The following SULT2B1 variants were observed in gnomAD, a reference collection of about 807,000 sequenced individuals.
The protein encoded by SULT2B1 is sulfotransferase family 2B member 1.
In SULT2B1, 16 loss-of-function variants were observed where a neutral mutation model predicts 33.2. The ratio of observed to expected loss-of-function variants is 0.48; its 90% CI spans 0.33 to 0.73. SULT2B1 has a LOEUF of 0.73. Among genes scored for constraint, SULT2B1 ranks in the 30% least tolerant of loss-of-function variants. The pLI is 0.02. For synonymous variants in SULT2B1, 186 were observed against 200.5 expected (o/e 0.93, Z 0.61); for missense variants, 500 against 506.0 (o/e 0.99, Z 0.11).
At chr19:48,592,079 G>A (rs1973650920) in intron 4 of SULT2B1, among the ~76,000 whole-genome samples, 2 of 152,044 alleles carry the variant, frequency 1.3e-5, no homozygotes, top group South Asian at 2.1e-4. Context: ...GGATCACAAG[G>A]TCAGGAGATT....
intron 1 of SULT2B1, among the ~76,000 whole-genome samples, chr19:48,573,921 G>A (rs150280324): frequency 0.019 from 2,843 of 152,174 alleles, 97 homozygotes; most frequent in African/African-American, 0.066. Flanking sequence ...GAGTGCAGTG[G>A]CGCAATCTCA....
intron 1 of SULT2B1, among the ~76,000 whole-genome samples, chr19:48,554,972 A>AT (rs951439621): frequency 7.2e-5 from 11 of 152,154 alleles, no homozygotes; most frequent in African/African-American, 2.2e-4. Context: ...GAGCAAGACC[A>AT]GGAAGGAGCG....
intron 2 of SULT2B1, among the ~76,000 whole-genome samples, chr19:48,577,446 A>C (rs1973429492): frequency 1.5e-5 from 2 of 136,752 alleles, no homozygotes; most frequent in South Asian, 2.3e-4. Flanking sequence ...GCTCACTGCA[A>C]TCTCTGCCTC....
chr19:48,592,718 A>G lies in SULT2B1; in HGVS notation c.551-4A>G, dbSNP rs768407062. The G allele has an allele frequency of 1.2e-4, 187 of 1,588,072 alleles. No homozygotes were observed. Among genetic ancestry groups the G allele is most frequent in the Non-Finnish European group, 1.6e-4 (184 of 1,166,430 alleles). On this transcript the variant is annotated splice_region_variant and splice_polypyrimidine_tract_variant and intron_variant, in intron 4 of 6. Transcript: ENST00000201586. ...CCTCACCCCACTTGTCCCTCTGCCCACAGTGCAGTTTGGCTCCTGGTTCGA... is the reference window on the plus strand; with the variant it reads ...CCTCACCCCACTTGTCCCTCTGCCCGCAGTGCAGTTTGGCTCCTGGTTCGA...
chr19:48,595,490 C>A (rs1346060435), intron 5 of SULT2B1, among the ~76,000 whole-genome samples: 1 of 151,944 alleles, frequency 6.6e-6, no homozygotes, highest in Non-Finnish European at 1.5e-5. Context: ...ATAGTAGACA[C>A]TCAGAAAGGA....
chr19:48,577,398 C>CTCTG (rs1044564407), intron 2 of SULT2B1, among the ~76,000 whole-genome samples: 1 of 105,398 alleles, frequency 9.5e-6, no homozygotes, highest in African/African-American at 3.7e-5. Context: ...CAGAGTCTTG[C>CTCTG]TCTGTTGCCC....
intron 2 of SULT2B1, among the ~76,000 whole-genome samples, chr19:48,579,605 C>CTTTCTTTTTTTTTT (rs71179013): frequency 7.5e-5 from 6 of 79,734 alleles, no homozygotes; most frequent in African/African-American, 2.5e-4. Flanking sequence ...TTCTTTCTTT[C>CTTTCTTTTTTTTTT]TTTTTTTTTT....
chr19:48,588,404 T>A (rs1239260943), intron 3 of SULT2B1, among the ~76,000 whole-genome samples: 2 of 150,722 alleles, frequency 1.3e-5, no homozygotes, highest in African/African-American at 4.9e-5. Flanking sequence ...CCCAGCTACT[T>A]GGGAGGCTGA....
At chr19:48,592,179 C>G (rs1973651973) in intron 4 of SULT2B1, among the ~76,000 whole-genome samples, 1 of 152,086 alleles carries the variant, frequency 6.6e-6, no homozygotes, top group African/African-American at 2.4e-5. Flanking sequence ...GTAGTCCCAG[C>G]TACTTGGGAG....
chr19:48,554,518 C>A (rs1331793244), intron 1 of SULT2B1, among the ~76,000 whole-genome samples: 1 of 149,078 alleles, frequency 6.7e-6, no homozygotes, highest in South Asian at 2.2e-4. Flanking sequence ...CATCTCCCCC[C>A]AACCTCACCA....
chr19:48,556,562 C>T (rs998627536), intron 1 of SULT2B1, among the ~76,000 whole-genome samples: 2 of 151,866 alleles, frequency 1.3e-5, no homozygotes, highest in Admixed American at 1.3e-4. Context: ...GGCCATCCTG[C>T]AGCAGACCTG....
chr19:48,573,348 C>T (rs3760801), intron 1 of SULT2B1, among the ~76,000 whole-genome samples: 1 of 151,884 alleles, frequency 6.6e-6, no homozygotes, highest in African/African-American at 2.4e-5. Flanking sequence ...TCAAATCGAG[C>T]GATATCAGCA....
chr19:48,569,362 ACAT>A (rs1168895602), intron 1 of SULT2B1, among the ~76,000 whole-genome samples: 462 of 130,102 alleles, frequency 3.6e-3, no homozygotes, highest in Non-Finnish European at 5.9e-3. Context: ...AAAAAAAAAA[ACAT>A]ATATATATAT....
At chr19:48,592,427 G>A (rs1465250601) in intron 4 of SULT2B1, among the ~76,000 whole-genome samples, 3 of 152,226 alleles carry the variant, frequency 2.0e-5, no homozygotes, top group Non-Finnish European at 2.9e-5. Flanking sequence ...CTTTGGCCAC[G>A]TGTTCCTTTC....
At chr19:48,574,275 C>T (rs1973372977) in intron 1 of SULT2B1, among the ~76,000 whole-genome samples, 1 of 152,182 alleles carries the variant, frequency 6.6e-6, no homozygotes, top group South Asian at 2.1e-4. Context: ...TTCATTCCTT[C>T]CTTCCTTCCT....
chr19:48,580,190 C>G (rs2147615621), intron 2 of SULT2B1, among the ~76,000 whole-genome samples: 1 of 152,124 alleles, frequency 6.6e-6, no homozygotes, highest in African/African-American at 2.4e-5. Flanking sequence ...CCTTGGCCTC[C>G]CAAAGTGTTA....
At chr19:48,555,498 C>T (rs1247207529) in intron 1 of SULT2B1, among the ~76,000 whole-genome samples, 1 of 151,978 alleles carries the variant, frequency 6.6e-6, no homozygotes, top group African/African-American at 2.4e-5. Context: ...TTCTCTCTCT[C>T]TCTCTCTCTC....
At chr19:48,573,610 G>A (rs1973360561) in intron 1 of SULT2B1, among the ~76,000 whole-genome samples, 2 of 152,044 alleles carry the variant, frequency 1.3e-5, no homozygotes, top group African/African-American at 4.8e-5. Flanking sequence ...GCAGCTCCAG[G>A]GGCCCAGAGG....
intron 5 of SULT2B1, among the ~76,000 whole-genome samples, chr19:48,593,822 C>T (rs766167420): frequency 8.7e-5 from 13 of 149,934 alleles, no homozygotes; most frequent in South Asian, 4.2e-4. Flanking sequence ...TTAGTAGAGA[C>T]GGGGTTTCTC....
Sources: gnomAD v4.1 joint callset for allele counts (sites outside exome capture counted in the v4.1 genomes callset) on GRCh38, gnomAD v4.1.1 for gene constraint, MANE v1.5 for transcripts, NCBI Gene and HGNC (gene_info 2026-07-23, HGNC 2026-07-21) for gene names.